The following GPC6 variants were observed in gnomAD, a reference collection of about 807,000 sequenced individuals.
The protein encoded by GPC6 is glypican 6, also known as glypican-6.
In GPC6, 14 loss-of-function variants were observed where a neutral mutation model predicts 55.2. That is an observed-to-expected ratio of 0.25 (90% CI 0.17 to 0.40). The LOEUF is 0.40. GPC6 is among the 10% of genes least tolerant of loss of function. The pLI is 1.00. For synonymous variants in GPC6, 278 were observed against 259.6 expected, an observed-to-expected ratio of 1.07 and a Z score of -0.68; for missense variants, 641 against 708.5, an observed-to-expected ratio of 0.90 and a Z score of 1.08.
intron 1 of GPC6, among the ~76,000 whole-genome samples, chr13:93,511,149 T>A (rs1880955262): frequency 6.7e-6 from 1 of 150,240 alleles, no homozygotes; most frequent in South Asian, 2.1e-4. Context: ...AGGTTGTCTC[T>A]TTACTCTGTT....
At chr13:94,370,674 A>G (rs369678081) in intron 6 of GPC6, among the ~76,000 whole-genome samples, 1 of 152,312 alleles carries the variant, frequency 6.6e-6, no homozygotes, top group South Asian at 2.1e-4. Flanking sequence ...AATATATGGT[A>G]TGAGTCCCTG....
intron 3 of GPC6, among the ~76,000 whole-genome samples, chr13:93,872,698 C>T (rs998604606): frequency 1.3e-5 from 2 of 151,900 alleles, no homozygotes; most frequent in Non-Finnish European, 2.9e-5. Context: ...ATAATGTCCT[C>T]ATCTCAGGAT....
Position 93,468,500 on chromosome 13 carries a change from C to T in GPC6, c.161-76763C>T, listed in dbSNP as rs141374288. Among the ~76,000 whole-genome samples, 391 of 151,174 alleles carry T rather than the reference C, an allele frequency of 2.6e-3. 5 individuals carry two copies. Among genetic ancestry groups the T allele is most frequent in the African/African-American group, 8.9e-3 (367 of 41,266 alleles). ...GCAAATTATAATTCGGGGCTGGGGA[C>T]TGGAGTTTAAAAGAAATACTTTAAA... On this transcript the variant is annotated intron_variant, in intron 1 of 8. Transcript: ENST00000377047.
intron 2 of GPC6, among the ~76,000 whole-genome samples, chr13:93,769,982 T>C (rs1255035418): frequency 1.3e-5 from 2 of 152,204 alleles, no homozygotes; most frequent in Non-Finnish European, 2.9e-5. Flanking sequence ...CCAACCATTA[T>C]GGTTTGCCAA....
At chr13:93,767,826 G>A (rs1350857972) in intron 2 of GPC6, among the ~76,000 whole-genome samples, 1 of 152,154 alleles carries the variant, frequency 6.6e-6, no homozygotes, top group African/African-American at 2.4e-5. Flanking sequence ...ACTCATGCAT[G>A]TATAGAACAC....
chr13:93,627,333 T>G (rs1220865784), intron 2 of GPC6, among the ~76,000 whole-genome samples: 1 of 152,172 alleles, frequency 6.6e-6, no homozygotes, highest in Non-Finnish European at 1.5e-5. Context: ...GGACATGAAC[T>G]CATCCTTTTT....
chr13:94,368,079 G>A (rs1330025514), intron 6 of GPC6, among the ~76,000 whole-genome samples: 2 of 151,048 alleles, frequency 1.3e-5, no homozygotes, highest in African/African-American at 4.9e-5. Flanking sequence ...AACCCAGGAG[G>A]CGGGGGTTGC....
chr13:93,927,177 A>G (rs988764178), intron 3 of GPC6, among the ~76,000 whole-genome samples: 1 of 152,328 alleles, frequency 6.6e-6, no homozygotes, highest in Non-Finnish European at 1.5e-5. Flanking sequence ...CTGCTAAGTC[A>G]TACAATATCT....
Position 93,545,717 on chromosome 13 carries a change from G to A in GPC6, c.319+296G>A, listed in dbSNP as rs1874752514. Among the ~76,000 whole-genome samples the A allele has an allele frequency of 2.6e-5, 4 of 152,018 alleles. No individual in the cohort carries two copies. In the South Asian group the frequency reaches 8.3e-4, roughly 31 times the overall value. The stretch of plus-strand genomic sequence containing the variant: ...CATTATTAGAGGAATTATAATTCAG[G>A]TTTTGTTATACTGCAGCTTGTCTAG... On this transcript the variant is annotated intron_variant, in intron 2 of 8. Coordinates refer to ENST00000377047, the MANE Select transcript of GPC6 (RefSeq NM_005708.5).
At chr13:93,446,976 G>T (rs1031828606) in intron 1 of GPC6, among the ~76,000 whole-genome samples, 1 of 151,968 alleles carries the variant, frequency 6.6e-6, no homozygotes, top group African/African-American at 2.4e-5. Flanking sequence ...GGGGGTGGGT[G>T]GTGGTGCTTG....
At chr13:93,660,006 G>T (rs1027727886) in intron 2 of GPC6, among the ~76,000 whole-genome samples, 4 of 151,944 alleles carry the variant, frequency 2.6e-5, no homozygotes, top group Non-Finnish European at 5.9e-5. Flanking sequence ...TTGTATGTTA[G>T]AAACTTAAAA....
At chr13:93,250,220 G>T (rs1876737934) in intron 1 of GPC6, among the ~76,000 whole-genome samples, 2 of 152,162 alleles carry the variant, frequency 1.3e-5, no homozygotes, top group South Asian at 4.1e-4. Context: ...TGACAAGTAC[G>T]AAAGGCTGTA....
chr13:93,712,442 C>G (rs1223805772), intron 2 of GPC6, among the ~76,000 whole-genome samples: 2 of 151,556 alleles, frequency 1.3e-5, no homozygotes, highest in East Asian at 2.0e-4. Context: ...CCTCACCTGT[C>G]CCCTGTGTAT....
intron 1 of GPC6, among the ~76,000 whole-genome samples, chr13:93,542,880 C>G (rs2139429859): frequency 6.6e-6 from 1 of 152,170 alleles, no homozygotes; most frequent in African/African-American, 2.4e-5. Flanking sequence ...ATTTTGTATC[C>G]TGAGACTTTG....
At position 94,266,771 on chromosome 13, in the gene GPC6, A is replaced by G. The variant is rs114411668; in HGVS notation, c.878-19578A>G. ...TTTCCTGAAGTCTGGTATCAAGTAC[A>G]GAGTCCTATATCTCACAGGTACTCA... On this transcript the variant is annotated intron_variant, in intron 4 of 8. Coordinates refer to ENST00000377047, the MANE Select transcript of GPC6 (RefSeq NM_005708.5). Among the ~76,000 whole-genome samples the G allele has an allele frequency of 2.1e-3, 323 of 152,332 alleles. 1 individual carries two copies. The highest frequency in any genetic ancestry group is 7.2e-3 in the African/African-American group (301 of 41,580).
At chr13:94,169,885 A>G (rs1290208612) in intron 4 of GPC6, among the ~76,000 whole-genome samples, 1 of 152,020 alleles carries the variant, frequency 6.6e-6, no homozygotes, top group Non-Finnish European at 1.5e-5. Context: ...TCAGTTCCAG[A>G]GAAAATGAAA....
chr13:93,449,181 A>G (rs1321980685), intron 1 of GPC6, among the ~76,000 whole-genome samples: 1 of 152,228 alleles, frequency 6.6e-6, no homozygotes, highest in African/African-American at 2.4e-5. Context: ...ATAAAAGTAC[A>G]GATGAGGAAG....
chr13:94,191,403 G>A (rs1330190789), intron 4 of GPC6, among the ~76,000 whole-genome samples: 1 of 152,176 alleles, frequency 6.6e-6, no homozygotes, highest in East Asian at 1.9e-4. Context: ...TTGAGCCAGT[G>A]TCAAGTTTGA....
intron 1 of GPC6, among the ~76,000 whole-genome samples, chr13:93,481,830 A>C (rs1241101895): frequency 6.6e-6 from 1 of 152,162 alleles, no homozygotes; most frequent in Non-Finnish European, 1.5e-5. Context: ...ATTTTGTATT[A>C]AGACTTGAAA....
Sources: gnomAD v4.1 joint callset for allele counts (sites outside exome capture counted in the v4.1 genomes callset) on GRCh38, gnomAD v4.1.1 for gene constraint, MANE v1.5 for transcripts, NCBI Gene and HGNC (gene_info 2026-07-23, HGNC 2026-07-21) for gene names.